EXOC4: variants seen among roughly 807,000 people sequenced by gnomAD.
EXOC4 encodes SEC8-like 1.
A neutral mutation model predicts 107.2 loss-of-function variants in EXOC4; 71 were observed. That is an observed-to-expected ratio of 0.66 (90% CI 0.55 to 0.81). EXOC4 has a LOEUF of 0.81. Among genes scored for constraint, EXOC4 ranks in the 30% least tolerant of loss-of-function variants. The probability of loss-of-function intolerance (pLI) is 0.00; values close to 1 mark genes in which losing one functional copy is unlikely to be tolerated. For missense variants in EXOC4, 1,108 were observed against 1,189.6 expected, an observed-to-expected ratio of 0.93 and a Z score of 1.01; for synonymous variants, 456 against 441.2, an observed-to-expected ratio of 1.03 and a Z score of -0.42.
chr7:133,279,221 G>C (rs1294412125), intron 2 of EXOC4, among the ~76,000 whole-genome samples: 2 of 152,152 alleles, frequency 1.3e-5, no homozygotes, highest in Non-Finnish European at 2.9e-5. Context: ...GACTATCATT[G>C]TTGGGCATTT....
intron 14 of EXOC4, among the ~76,000 whole-genome samples, chr7:133,941,662 G>A (rs1367399290): frequency 1.3e-5 from 2 of 152,058 alleles, no homozygotes; most frequent in Non-Finnish European, 2.9e-5. Context: ...CAGTCTTTCT[G>A]ACACTGTTTC....
intron 4 of EXOC4, chr7:133,314,871 T>C (rs1794954146): frequency 6.6e-6 from 1 of 152,230 alleles, no homozygotes; most frequent in Non-Finnish European, 1.5e-5. Flanking sequence ...TTTCCTGTCA[T>C]TTAAAGTTGA....
intron 5 of EXOC4, among the ~76,000 whole-genome samples, chr7:133,351,267 A>G (rs1795903519): frequency 6.6e-6 from 1 of 151,948 alleles, no homozygotes; most frequent in South Asian, 2.1e-4. Context: ...TTTTTTGGAA[A>G]AGTTTGGTTT....
intron 11 of EXOC4, among the ~76,000 whole-genome samples, chr7:133,877,566 A>T (rs1798875786): frequency 6.6e-6 from 1 of 152,132 alleles, no homozygotes; most frequent in African/African-American, 2.4e-5. Context: ...CACCCTATCT[A>T]TTAGGAGGTT....
At chr7:133,495,752 T>G (rs1341740633) in intron 9 of EXOC4, among the ~76,000 whole-genome samples, 1 of 152,216 alleles carries the variant, frequency 6.6e-6, no homozygotes, top group African/African-American at 2.4e-5. Context: ...GTTTCCACTT[T>G]GGGGCTACTA....
chr7:134,097,374 GA>G, the EXOC4 span, among the ~76,000 whole-genome samples: 158 of 143,310 alleles, frequency 1.1e-3, 1 homozygote, highest in East Asian at 8.6e-3. Context: ...GTTACAGATA[GA>G]AAAAAAAAAA....
chr7:133,874,561 C>T (rs1286463757), intron 11 of EXOC4, among the ~76,000 whole-genome samples: 1 of 152,188 alleles, frequency 6.6e-6, no homozygotes, highest in Non-Finnish European at 1.5e-5. Flanking sequence ...AGCCAAGCTC[C>T]CTGCCATTCT....
chr7:133,979,495 C>T (rs1793921853), intron 14 of EXOC4, among the ~76,000 whole-genome samples: 1 of 152,016 alleles, frequency 6.6e-6, no homozygotes, highest in African/African-American at 2.4e-5. Flanking sequence ...CTAAAATAAC[C>T]CCTAAGTTGC....
chr7:133,681,481 G>A (rs910031803), intron 10 of EXOC4, among the ~76,000 whole-genome samples: 8 of 152,018 alleles, frequency 5.3e-5, no homozygotes, highest in African/African-American at 1.4e-4. Context: ...ATAATAATTC[G>A]AATAAGTAGC....
At chr7:133,846,482 G>C (rs763701241) in intron 11 of EXOC4, among the ~76,000 whole-genome samples, 1 of 152,132 alleles carries the variant, frequency 6.6e-6, no homozygotes, top group Non-Finnish European at 1.5e-5. Context: ...TCATCCTGTA[G>C]TGTTCCTACG....
chr7:133,644,943 A>G (rs1481636025), intron 10 of EXOC4, among the ~76,000 whole-genome samples: 2 of 152,178 alleles, frequency 1.3e-5, no homozygotes, highest in African/African-American at 4.8e-5. Flanking sequence ...TTTGTGAGCC[A>G]CAGTGCTCAG....
At chr7:133,549,544 A>G (rs1200122323) in intron 9 of EXOC4, among the ~76,000 whole-genome samples, 1 of 152,128 alleles carries the variant, frequency 6.6e-6, no homozygotes, top group Non-Finnish European at 1.5e-5. Context: ...TAGTAACATC[A>G]AAGATCACCA....
At chr7:133,594,493 C>CTTTTTTTTTTT (rs532692119) in intron 9 of EXOC4, among the ~76,000 whole-genome samples, 5,650 of 90,230 alleles carry the variant, frequency 0.063, 1,469 homozygotes, top group Admixed American at 0.12. Flanking sequence ...AAGCTTGAGT[C>CTTTTTTTTTTT]TTTTTTTTTT....
At chr7:133,597,977 G>T (rs578194711) in intron 9 of EXOC4, among the ~76,000 whole-genome samples, 1 of 151,086 alleles carries the variant, frequency 6.6e-6, no homozygotes, top group East Asian at 2.0e-4. Context: ...CCGAGATGGC[G>T]CCATTACTCC....
At chr7:133,653,300 G>T (rs2151037015) in intron 10 of EXOC4, among the ~76,000 whole-genome samples, 1 of 152,240 alleles carries the variant, frequency 6.6e-6, no homozygotes, top group Admixed American at 6.5e-5. Context: ...AGCTTTCACT[G>T]GCTTTTTCGC....
intron 7 of EXOC4, among the ~76,000 whole-genome samples, chr7:133,412,045 T>G (rs768234211): frequency 1.3e-5 from 2 of 152,100 alleles, no homozygotes; most frequent in Non-Finnish European, 2.9e-5. Context: ...GCAGTTTACT[T>G]CTAAGTGTGG....
Position 133,584,574 on chromosome 7 carries a change from G to GTTTTTTTTTTTT in EXOC4, c.1418-45461_1418-45460insTTTTTTTTTTTT, listed in dbSNP as rs67568218. The stretch of plus-strand genomic sequence containing the variant: ...AGGCCTTTGTTTTTTACGTATTTCA[G>GTTTTTTTTTTTT]TTTTTTTTTTGTTTTTTTTTTTGAG... On this transcript the variant is annotated intron_variant, in intron 9 of 17. Transcript: ENST00000253861. 1.2e-4 allele frequency among the ~76,000 whole-genome samples: 10 copies of GTTTTTTTTTTTT among 84,814 alleles called. 1 individual carries two copies. Among genetic ancestry groups the GTTTTTTTTTTTT allele is most frequent in the East Asian group, 3.7e-4 (1 of 2,688 alleles). 55.6% of individuals were successfully genotyped at this position (84,814 alleles called of 152,430 possible).
intron 5 of EXOC4, among the ~76,000 whole-genome samples, chr7:133,326,812 T>C (rs909036551): frequency 1.3e-5 from 2 of 152,218 alleles, no homozygotes; most frequent in Non-Finnish European, 2.9e-5. Flanking sequence ...AGAGGTGCAG[T>C]CTACAAAGGT....
At chr7:133,837,263 A>G (rs913868495) in intron 11 of EXOC4, among the ~76,000 whole-genome samples, 1 of 152,158 alleles carries the variant, frequency 6.6e-6, no homozygotes, top group Non-Finnish European at 1.5e-5. Context: ...GTGATCTCCT[A>G]CTAACTTGTG....
Sources: allele counts gnomAD v4.1 joint callset (sites outside exome capture counted in the v4.1 genomes callset), GRCh38; gene constraint gnomAD v4.1.1; transcripts MANE v1.5; gene names NCBI Gene and HGNC (gene_info 2026-07-23, HGNC 2026-07-21).